The following RAB27B variants were observed in gnomAD, a reference collection of about 807,000 sequenced individuals.
The protein encoded by RAB27B is ras-related protein Rab-27B.
In RAB27B, 15 loss-of-function variants were observed where a neutral mutation model predicts 24.6. The observed-to-expected ratio is 0.61, with a 90% CI of 0.41 to 0.94. RAB27B has a LOEUF of 0.94. Ranked by LOEUF, RAB27B falls within the 40% of genes least tolerant of loss-of-function variation. RAB27B has a pLI of 0.00. For missense variants in RAB27B, 261 were observed against 266.8 expected, an observed-to-expected ratio of 0.98 and a Z score of 0.15; for synonymous variants, 105 against 92.5, an observed-to-expected ratio of 1.14 and a Z score of -0.78.
intron 2 of RAB27B, among the ~76,000 whole-genome samples, chr18:54,804,864 T>TCTTC (rs142234972): frequency 1.3e-3 from 2 of 1,586 alleles, no homozygotes; most frequent in Non-Finnish European, 0.015. Flanking sequence ...TTCCTTCCTT[T>TCTTC]CTTTTTTTCT....
chr18:54,787,919 T>C (rs968868268), intron 2 of RAB27B, among the ~76,000 whole-genome samples: 5 of 152,160 alleles, frequency 3.3e-5, no homozygotes, highest in Non-Finnish European at 5.9e-5. Context: ...AGTAAAAGAT[T>C]CCACTCAAGG....
At chr18:54,770,929 G>A (rs1908526789) in intron 2 of RAB27B, among the ~76,000 whole-genome samples, 1 of 152,138 alleles carries the variant, frequency 6.6e-6, no homozygotes, top group Non-Finnish European at 1.5e-5. Flanking sequence ...ATATTTATAT[G>A]TTAATTCTAG....
At chr18:54,812,487 C>T (rs1909993200) in intron 2 of RAB27B, among the ~76,000 whole-genome samples, 1 of 151,108 alleles carries the variant, frequency 6.6e-6, no homozygotes, top group African/African-American at 2.4e-5. Context: ...TGTGTTAGTA[C>T]TCATTGCAGA....
chr18:54,840,706 G>A (rs887175236), intron 1 of RAB27B, among the ~76,000 whole-genome samples: 1 of 152,136 alleles, frequency 6.6e-6, no homozygotes, highest in African/African-American at 2.4e-5. Flanking sequence ...AGGGCCTTTT[G>A]TCTTCCTCCT....
intron 2 of RAB27B, among the ~76,000 whole-genome samples, chr18:54,761,600 A>C (rs1908191497): frequency 1.3e-5 from 2 of 152,222 alleles, no homozygotes; most frequent in South Asian, 4.1e-4. Flanking sequence ...AGGCAATAAC[A>C]ATCACTGGGC....
At chr18:54,873,314 G>A (rs1912551894) in intron 1 of RAB27B, among the ~76,000 whole-genome samples, 1 of 152,132 alleles carries the variant, frequency 6.6e-6, no homozygotes. Context: ...TTCCCATGAA[G>A]GGCTTGTCTG....
chr18:54,741,898 A>G (rs1420406077), intron 2 of RAB27B, among the ~76,000 whole-genome samples: 3 of 152,308 alleles, frequency 2.0e-5, no homozygotes, highest in East Asian at 1.9e-4. Context: ...CAAGGCCTCT[A>G]TAATATCTGA....
At chr18:54,883,611 G>A (rs939584922) in intron 3 of RAB27B, among the ~76,000 whole-genome samples, 2 of 152,080 alleles carry the variant, frequency 1.3e-5, no homozygotes, top group African/African-American at 4.8e-5. Flanking sequence ...GGCATGGAAA[G>A]CTGACCAGGC....
Position 54,725,007 on chromosome 18 carries a change from A to G in RAB27B, c.-20+6866A>G, listed in dbSNP as rs570349023. ...GCAGTAAGAGAACTTTTCTAGACCA[A>G]TAGTGGAATCTCAGTGAGAGCTCAG... On this transcript the variant is annotated intron_variant, in intron 2 of 4. Coordinates refer to the RAB27B transcript ENST00000586570. Among the ~76,000 whole-genome samples, 10 of 151,714 alleles carry G rather than the reference A, an allele frequency of 6.6e-5. 1 individual carries two copies. In the South Asian group the frequency reaches 1.7e-3, roughly 26 times the overall value.
chr18:54,776,793 G>C (rs1009366508), intron 2 of RAB27B, among the ~76,000 whole-genome samples: 6 of 152,130 alleles, frequency 3.9e-5, no homozygotes, highest in African/African-American at 1.4e-4. Flanking sequence ...GCATGGTCAG[G>C]CATGCCCGTA....
At chr18:54,729,815 C>T (rs1339066901) in intron 2 of RAB27B, among the ~76,000 whole-genome samples, 2 of 151,982 alleles carry the variant, frequency 1.3e-5, no homozygotes. Context: ...AAATAATCCA[C>T]TTATGTGCTT....
At chr18:54,815,997 A>G (rs1474874493) in intron 2 of RAB27B, among the ~76,000 whole-genome samples, 1 of 152,212 alleles carries the variant, frequency 6.6e-6, no homozygotes, top group African/African-American at 2.4e-5. Context: ...TTCAATGTGA[A>G]CATTTATCAG....
intron 2 of RAB27B, among the ~76,000 whole-genome samples, chr18:54,782,884 A>G (rs1908959224): frequency 6.6e-6 from 1 of 152,214 alleles, no homozygotes. Flanking sequence ...AAAAACAGAA[A>G]AAAATAGGCA....
intron 2 of RAB27B, among the ~76,000 whole-genome samples, chr18:54,812,593 A>ACT (rs1491098824): frequency 7.0e-6 from 1 of 143,002 alleles, no homozygotes; most frequent in African/African-American, 2.6e-5. Flanking sequence ...ACACACACAC[A>ACT]CTCTTATGAA....
intron 2 of RAB27B, among the ~76,000 whole-genome samples, chr18:54,810,867 A>C (rs900740182): frequency 1.3e-5 from 2 of 150,752 alleles, no homozygotes; most frequent in Admixed American, 1.3e-4. Flanking sequence ...TAAATAAATA[A>C]ATAAATAAAT....
At chr18:54,745,876 A>C (rs1910228186) in intron 2 of RAB27B, among the ~76,000 whole-genome samples, 1 of 148,198 alleles carries the variant, frequency 6.7e-6, no homozygotes, top group Non-Finnish European at 1.5e-5. Context: ...AATAAATATA[A>C]GTATTTATAA....
At chr18:54,877,351 C>T (rs1299120554) in intron 1 of RAB27B, among the ~76,000 whole-genome samples, 2 of 152,042 alleles carry the variant, frequency 1.3e-5, no homozygotes, top group Admixed American at 6.6e-5. Flanking sequence ...CATATTTTTC[C>T]GTATTAGGTG....
chr18:54,895,205 ATTATCT>A lies in RAB27B; in HGVS notation c.*5797_*5802del, dbSNP rs1405696609. 1 of 152,100 alleles carries A rather than the reference ATTATCT, an allele frequency of 6.6e-6. No homozygotes were observed. The highest frequency in any genetic ancestry group is 1.5e-5 in the Non-Finnish European group (1 of 67,980). The allele number at this position is 152,100 out of a possible 1,614,324, so 9.4% of individuals were successfully genotyped here. On this transcript the variant is annotated 3_prime_UTR_variant, in exon 6 of 6. Transcript: ENST00000262094. ...TCCCAACAGTTTACCTTCAAGTAAT[ATTATCT>A]TTATTTTTAGGCTAAGCACGTTTGA...
chr18:54,809,622 CA>C (rs1909900759), intron 2 of RAB27B, among the ~76,000 whole-genome samples: 1 of 152,138 alleles, frequency 6.6e-6, no homozygotes, highest in African/African-American at 2.4e-5. Flanking sequence ...TTAGCTAATG[CA>C]TAAGTCAAAA....
Sources: allele counts gnomAD v4.1 joint callset (sites outside exome capture counted in the v4.1 genomes callset), GRCh38; gene constraint gnomAD v4.1.1; transcripts MANE v1.5; gene names NCBI Gene and HGNC (gene_info 2026-07-23, HGNC 2026-07-21).